Variants in CBR4 observed in about 807,000 individuals in gnomAD.
CBR4 encodes the protein carbonyl reductase 4.
A neutral mutation model predicts 21.0 loss-of-function variants in CBR4; 22 were observed. That is an observed-to-expected ratio of 1.05 (90% CI 0.75 to 1.50). The LOEUF (loss-of-function observed/expected upper bound fraction) is 1.50. Ranked by LOEUF, CBR4 falls within the 40% of genes most tolerant of loss-of-function variation. The probability of loss-of-function intolerance (pLI) is 0.00; values close to 1 mark genes in which losing one functional copy is unlikely to be tolerated. For synonymous variants in CBR4, 100 were observed against 104.4 expected (o/e 0.96, Z 0.26); for missense variants, 302 against 286.3 (o/e 1.05, Z -0.40).
Position 168,990,130 on chromosome 4 carries a change from A to G in CBR4, c.*20T>C, listed in dbSNP as rs143959966. 999 of 1,584,722 alleles carry G rather than the reference A, an allele frequency of 6.3e-4. 6 individuals carry two copies. The African/African-American group carries it at 0.012, about 19-fold the overall frequency. On this transcript the variant is annotated 3_prime_UTR_variant, in exon 5 of 5. Coordinates refer to ENST00000306193, the MANE Select transcript of CBR4 (RefSeq NM_032783.5). ...TGTGCCCTTGATGCTAATCACCCCT[A>G]TAACTGAATAATCTGCAAATTACAA...
chr4:168,942,333 T>C (rs1055281327), intron 2 of CBR4, among the ~76,000 whole-genome samples: 6 of 152,130 alleles, frequency 3.9e-5, no homozygotes, highest in Non-Finnish European at 7.4e-5. Context: ...CAAACCACCA[T>C]GGCACATGTA....
At chr4:168,901,057 G>A (rs1756406556) in intron 2 of CBR4, among the ~76,000 whole-genome samples, 1 of 152,140 alleles carries the variant, frequency 6.6e-6, no homozygotes. Flanking sequence ...TTCACAGCTA[G>A]AAGGGACTTA....
chr4:168,900,046 C>T (rs1233461117), intron 2 of CBR4, among the ~76,000 whole-genome samples: 1 of 152,006 alleles, frequency 6.6e-6, no homozygotes, highest in Non-Finnish European at 1.5e-5. Context: ...AAGGCGAAGG[C>T]GAAAAAGGTG....
At chr4:168,906,994 T>A (rs549171750) in intron 2 of CBR4, among the ~76,000 whole-genome samples, 8 of 152,044 alleles carry the variant, frequency 5.3e-5, no homozygotes, top group African/African-American at 1.9e-4. Flanking sequence ...AGTACAGGGG[T>A]TATGAGCATG....
intron 4 of CBR4, among the ~76,000 whole-genome samples, chr4:168,999,009 G>C (rs563634447): frequency 2.0e-5 from 3 of 151,864 alleles, no homozygotes; most frequent in African/African-American, 7.3e-5. Flanking sequence ...TATTTTTTAA[G>C]GTAATACAGC....
At chr4:168,896,281 A>G (rs915859163) in intron 2 of CBR4, among the ~76,000 whole-genome samples, 1 of 152,196 alleles carries the variant, frequency 6.6e-6, no homozygotes, top group African/African-American at 2.4e-5. Context: ...TCTATCTTAA[A>G]TGTGCTCACA....
At chr4:168,965,780 C>T (rs961226499) in intron 2 of CBR4, among the ~76,000 whole-genome samples, 3 of 152,194 alleles carry the variant, frequency 2.0e-5, no homozygotes, top group Non-Finnish European at 4.4e-5. Flanking sequence ...GAATATAAAA[C>T]CTAACACCAT....
intron 2 of CBR4, among the ~76,000 whole-genome samples, chr4:168,922,704 C>T (rs1582225488): frequency 6.6e-6 from 1 of 152,280 alleles, no homozygotes; most frequent in South Asian, 2.1e-4. Context: ...TACAGGTTAG[C>T]CATGCTTTCA....
intron 2 of CBR4, chr4:168,921,762 T>C (rs762564668): frequency 1.9e-6 from 3 of 1,570,088 alleles, no homozygotes; most frequent in Non-Finnish European, 2.6e-6. Context: ...CTGTGAATCC[T>C]TGCTCTCTGA....
intron 2 of CBR4, among the ~76,000 whole-genome samples, chr4:168,915,398 A>G (rs1015908508): frequency 2.6e-5 from 4 of 152,238 alleles, no homozygotes; most frequent in Admixed American, 2.6e-4. Context: ...CTCTAGGCAT[A>G]TGGATAACTA....
intron 2 of CBR4, among the ~76,000 whole-genome samples, chr4:168,921,943 A>G (rs1054264790): frequency 2.6e-5 from 4 of 152,142 alleles, no homozygotes; most frequent in East Asian, 3.8e-4. Context: ...TAACCTGGCA[A>G]AGAGAGAAAA....
rs1299716378 is a variant in CBR4 at position 168,976,272 on chromosome 4, TG to T, written n.169+25798del. Among the ~76,000 whole-genome samples the T allele has an allele frequency of 1.1e-4, 17 of 152,200 alleles. 1 individual carries two copies. Among genetic ancestry groups the T allele is most frequent in the Admixed American group, 1.0e-3 (16 of 15,274 alleles). On this transcript the variant is annotated intron_variant and non_coding_transcript_variant, in intron 2 of 3. Transcript: ENST00000509108. ...GAGGTAACGCCAGGAATAGCTTCCA[TG>T]GGCTCGAGCTAAGGACTGGGAGTAC...
At chr4:168,993,179 C>T (rs1765006219) in intron 4 of CBR4, among the ~76,000 whole-genome samples, 1 of 150,918 alleles carries the variant, frequency 6.6e-6, no homozygotes, top group African/African-American at 2.4e-5. Flanking sequence ...TCTCGCTGTC[C>T]AAAGTTTTCT....
intron 2 of CBR4, among the ~76,000 whole-genome samples, chr4:168,934,663 A>C (rs1280681357): frequency 6.6e-6 from 1 of 152,152 alleles, no homozygotes; most frequent in Non-Finnish European, 1.5e-5. Context: ...AATAAAAAGT[A>C]ATGATAATAA....
intron 2 of CBR4, among the ~76,000 whole-genome samples, chr4:168,938,257 G>A (rs1220460444): frequency 6.6e-6 from 1 of 152,132 alleles, no homozygotes; most frequent in Non-Finnish European, 1.5e-5. Flanking sequence ...TAAGTTCTTT[G>A]AAACTAACGA....
intron 2 of CBR4, among the ~76,000 whole-genome samples, chr4:168,907,072 A>G (rs1757968527): frequency 6.6e-6 from 1 of 152,052 alleles, no homozygotes; most frequent in African/African-American, 2.4e-5. Context: ...TGACCTTAGC[A>G]AGTCACTTAA....
chr4:168,913,597 A>G (rs988704264), intron 2 of CBR4, among the ~76,000 whole-genome samples: 6 of 152,056 alleles, frequency 3.9e-5, no homozygotes, highest in African/African-American at 1.5e-4. Context: ...ATATTTTACA[A>G]TTCAACATCA....
Position 168,989,989 on chromosome 4 carries a change from A to C in CBR4, c.*161T>G, listed in dbSNP as rs1006440628. ...AAAAAAAAAAACCACAATTTGTCAC[A>C]CATTGTTCTTTTGAGACATATTTTT... On this transcript the variant is annotated 3_prime_UTR_variant, in exon 5 of 5. Coordinates refer to ENST00000306193, the MANE Select transcript of CBR4 (RefSeq NM_032783.5). 9 of 1,267,164 alleles carry C rather than the reference A, an allele frequency of 7.1e-6. No homozygotes were observed. In the African/African-American group the frequency reaches 1.2e-4, roughly 17 times the overall value. 78.5% of individuals were successfully genotyped at this position (1,267,164 alleles called of 1,614,324 possible).
rs78562191 is a variant in CBR4, at chr4:169,010,190, G to T, written c.-101C>A. 66 of 623,618 alleles carry T rather than the reference G, an allele frequency of 1.1e-4. No individual in the cohort carries two copies. In the African/African-American group the frequency reaches 1.1e-3, roughly 10 times the overall value. 38.6% of individuals were successfully genotyped at this position (623,618 alleles called of 1,614,324 possible). Reference sequence around the variant, plus strand: ...ACCGCGGTTCCAAAAAAAAAAAAAAGAAAAAAAAAGGCAAACCGCAAAAAA... The same window carrying T: ...ACCGCGGTTCCAAAAAAAAAAAAAATAAAAAAAAAGGCAAACCGCAAAAAA... On this transcript the variant is annotated 5_prime_UTR_variant, in exon 1 of 5. Coordinates refer to ENST00000306193, the MANE Select transcript of CBR4 (RefSeq NM_032783.5).
Sources: allele counts gnomAD v4.1 joint callset (sites outside exome capture counted in the v4.1 genomes callset), GRCh38; gene constraint gnomAD v4.1.1; transcripts MANE v1.5; gene names NCBI Gene and HGNC (gene_info 2026-07-23, HGNC 2026-07-21).